The following CNTN5 variants were observed in gnomAD, a reference collection of about 807,000 sequenced individuals.
The protein encoded by CNTN5 is contactin-5.
CNTN5 carries 77 observed loss-of-function variants against 129.1 expected under a neutral mutation model. The observed-to-expected ratio is 0.60, with a 90% CI of 0.50 to 0.72. The LOEUF (loss-of-function observed/expected upper bound fraction) is 0.72. Among genes scored for constraint, CNTN5 ranks in the 30% least tolerant of loss-of-function variants. The pLI, the probability that CNTN5 is intolerant of heterozygous loss-of-function variation, is 0.00. For synonymous variants in CNTN5, 509 were observed against 465.6 expected (o/e 1.09, Z -1.20); for missense variants, 1,478 against 1,328.8 (o/e 1.11, Z -1.75).
intron 3 of CNTN5, among the ~76,000 whole-genome samples, chr11:99,590,405 C>G (rs1949941641): frequency 6.6e-6 from 1 of 152,138 alleles, no homozygotes; most frequent in Non-Finnish European, 1.5e-5. Flanking sequence ...TGTGCAATCA[C>G]TAAGCCACTC....
rs531386888 is a variant in CNTN5 at position 99,404,984 on chromosome 11, G to A, written c.-71+79500G>A. ...CTCATGTTTGAAGGATAATTTCACC[G>A]AATATACTATTCTAAGGTAAAACTT... is the stretch of plus-strand genomic sequence containing the variant. On this transcript the variant is annotated intron_variant, in intron 2 of 24. Transcript: ENST00000524871. Among the ~76,000 whole-genome samples the A allele has an allele frequency of 7.5e-4, 114 of 152,196 alleles. 1 individual carries two copies. The highest frequency in any genetic ancestry group is 2.5e-3 in the African/African-American group (105 of 41,540).
intron 2 of CNTN5, among the ~76,000 whole-genome samples, chr11:99,402,131 A>G (rs1292795087): frequency 6.6e-6 from 1 of 152,064 alleles, no homozygotes; most frequent in East Asian, 1.9e-4. Context: ...CATAGTGAGG[A>G]TTGTTGTCAT....
chr11:100,295,550 C>T (rs1267798474), intron 18 of CNTN5, among the ~76,000 whole-genome samples: 1 of 151,260 alleles, frequency 6.6e-6, no homozygotes, highest in Non-Finnish European at 1.5e-5. Context: ...ACTACCAAAG[C>T]TTCAACAGTT....
chr11:100,094,901 CT>C (rs1260102588), intron 13 of CNTN5, among the ~76,000 whole-genome samples: 1 of 152,042 alleles, frequency 6.6e-6, no homozygotes, highest in Non-Finnish European at 1.5e-5. Flanking sequence ...GAATTTGTTG[CT>C]CACCTTGTAT....
At chr11:99,899,811 C>A (rs1949306766) in intron 6 of CNTN5, among the ~76,000 whole-genome samples, 1 of 151,972 alleles carries the variant, frequency 6.6e-6, no homozygotes, top group Admixed American at 6.6e-5. Context: ...TTGGTACCGG[C>A]TTTTCTTTGT....
chr11:99,634,465 A>C (rs1951476702), intron 3 of CNTN5, among the ~76,000 whole-genome samples: 1 of 152,210 alleles, frequency 6.6e-6, no homozygotes, highest in South Asian at 2.1e-4. Flanking sequence ...GACTGACTGC[A>C]GTGGGCACGA....
chr11:99,230,592 T>C (rs529767550), intron 1 of CNTN5, among the ~76,000 whole-genome samples: 1 of 152,180 alleles, frequency 6.6e-6, no homozygotes. Flanking sequence ...GATGAATAAT[T>C]ATAAACTTTT....
chr11:99,811,277 A>G (rs1946420589), intron 3 of CNTN5, among the ~76,000 whole-genome samples: 1 of 151,924 alleles, frequency 6.6e-6, no homozygotes, highest in African/African-American at 2.4e-5. Flanking sequence ...AGGGACGGAA[A>G]TAGAATTCTG....
chr11:99,529,534 T>A (rs922857814), intron 2 of CNTN5, among the ~76,000 whole-genome samples: 1 of 152,222 alleles, frequency 6.6e-6, no homozygotes, highest in Non-Finnish European at 1.5e-5. Flanking sequence ...ACATAAGGAA[T>A]TTTTATATTT....
At chr11:99,367,937 T>G (rs1043061390) in intron 2 of CNTN5, among the ~76,000 whole-genome samples, 1 of 152,172 alleles carries the variant, frequency 6.6e-6, no homozygotes, top group Non-Finnish European at 1.5e-5. Flanking sequence ...TGTTAAGCAC[T>G]TTATTAAGGC....
At chr11:99,571,113 G>A (rs1222760599) in intron 3 of CNTN5, among the ~76,000 whole-genome samples, 1 of 152,188 alleles carries the variant, frequency 6.6e-6, no homozygotes, top group Non-Finnish European at 1.5e-5. Context: ...AACACGTAAA[G>A]GCAGCCTGCT....
At chr11:99,171,203 A>G (rs1225585705) in intron 1 of CNTN5, among the ~76,000 whole-genome samples, 1 of 152,188 alleles carries the variant, frequency 6.6e-6, no homozygotes, top group African/African-American at 2.4e-5. Context: ...AATGTATTTC[A>G]TAGATACATA....
chr11:100,177,331 T>C (rs1947996679), intron 13 of CNTN5, among the ~76,000 whole-genome samples: 1 of 152,120 alleles, frequency 6.6e-6, no homozygotes, highest in African/African-American at 2.4e-5. Context: ...GCTCCCTGTA[T>C]TTCCCCCTTT....
intron 8 of CNTN5, among the ~76,000 whole-genome samples, chr11:99,984,926 A>T (rs1370639647): frequency 6.6e-6 from 1 of 152,136 alleles, no homozygotes; most frequent in Non-Finnish European, 1.5e-5. Context: ...AGAAGGGAGC[A>T]TGTGAGTAAG....
In CNTN5 at chr11:99,365,429, T is replaced by C. The variant is rs184182670; in HGVS notation, c.-71+39945T>C. On this transcript the variant is annotated intron_variant, in intron 2 of 24. Coordinates refer to ENST00000524871, the MANE Select transcript of CNTN5 (RefSeq NM_014361.4). ...TCTAGGCCTCCTTATTCAAATTTTG[T>C]GGACTTTTTACTCTACCATGCTGTT... 2.6e-5 allele frequency among the ~76,000 whole-genome samples: 4 copies of C among 152,276 alleles called. No individual in the cohort carries two copies. The East Asian group carries it at 7.7e-4, about 29-fold the overall frequency.
chr11:100,029,817 A>C lies in CNTN5; in HGVS notation c.980+27681A>C, dbSNP rs554457056. On this transcript the variant is annotated intron_variant, in intron 9 of 24. Transcript: ENST00000524871. ...TAATTTTAAACAGTTAAAGATTGGG[A>C]ATGAATCTTTACAGCCCTCTCATTC... 8.5e-5 allele frequency among the ~76,000 whole-genome samples: 13 copies of C among 152,280 alleles called. 1 individual carries two copies. In the South Asian group the frequency reaches 2.7e-3, roughly 32 times the overall value.
At chr11:99,577,979 TC>T (rs1349402783) in intron 3 of CNTN5, among the ~76,000 whole-genome samples, 1 of 75,818 alleles carries the variant, frequency 1.3e-5, no homozygotes, top group African/African-American at 5.5e-5. Context: ...CCCTCCCCCC[TC>T]CCCCCACCCC....
intron 8 of CNTN5, among the ~76,000 whole-genome samples, chr11:99,975,794 A>C (rs1247907460): frequency 6.6e-6 from 1 of 152,146 alleles, no homozygotes; most frequent in African/African-American, 2.4e-5. Context: ...ACACAGAGCC[A>C]AACCATATCA....
chr11:99,057,608 CTTT>C (rs919844806), intron 1 of CNTN5, among the ~76,000 whole-genome samples: 12 of 151,644 alleles, frequency 7.9e-5, no homozygotes, highest in Non-Finnish European at 1.3e-4. Context: ...TAATTATGAT[CTTT>C]TTTTTAGATT....
Sources: allele counts gnomAD v4.1 joint callset (sites outside exome capture counted in the v4.1 genomes callset), GRCh38; gene constraint gnomAD v4.1.1; transcripts MANE v1.5; gene names NCBI Gene and HGNC (gene_info 2026-07-23, HGNC 2026-07-21).